CRB1: variants seen among roughly 807,000 people sequenced by gnomAD.
The protein encoded by CRB1 is protein crumbs homolog 1.
Under a neutral mutation model 120.0 loss-of-function variants are expected in CRB1, and 83 were observed. The observed-to-expected ratio is 0.69, with a 90% confidence interval of 0.58 to 0.83. The LOEUF (loss-of-function observed/expected upper bound fraction) is 0.83. Ranked by LOEUF, CRB1 falls within the 40% of genes least tolerant of loss-of-function variation. CRB1 has a pLI of 0.00. For missense variants in CRB1, 1,699 were observed against 1,687.6 expected (o/e 1.01, Z -0.12); for synonymous variants, 625 against 612.5 (o/e 1.02, Z -0.30).
intron 5 of CRB1, among the ~76,000 whole-genome samples, chr1:197,369,084 C>A (rs774789807): frequency 1.3e-5 from 2 of 152,074 alleles, no homozygotes; most frequent in Non-Finnish European, 2.9e-5. Flanking sequence ...GACCATCCTG[C>A]GAGCTCTCAT....
chr1:197,346,839 G>A (rs553780186), intron 3 of CRB1, among the ~76,000 whole-genome samples: 1 of 152,196 alleles, frequency 6.6e-6, no homozygotes, highest in Non-Finnish European at 1.5e-5. Flanking sequence ...TTTAATAAAG[G>A]CTTTTCCTGA....
the CRB1 span, among the ~76,000 whole-genome samples, chr1:197,229,194 G>C: frequency 6.6e-6 from 1 of 152,206 alleles, no homozygotes; most frequent in East Asian, 1.9e-4. Context: ...GTGCCACCCA[G>C]TCTGTGATAT....
intron 1 of CRB1, among the ~76,000 whole-genome samples, chr1:197,302,641 A>G (rs550394203): frequency 1.1e-4 from 17 of 152,320 alleles, no homozygotes; most frequent in African/African-American, 4.1e-4. Context: ...CTGATAGAGT[A>G]ATTGACAAAA....
chr1:197,247,861 A>C, the CRB1 span, among the ~76,000 whole-genome samples: 9 of 152,036 alleles, frequency 5.9e-5, no homozygotes, highest in African/African-American at 2.2e-4. Context: ...TGGAACAACA[A>C]CTATCATTTC....
At chr1:197,271,320 C>T (rs958654662) in intron 1 of CRB1, among the ~76,000 whole-genome samples, 3 of 152,132 alleles carry the variant, frequency 2.0e-5, no homozygotes, top group Non-Finnish European at 4.4e-5. Context: ...AAAATAATCA[C>T]CTCCAGCTCC....
chr1:197,253,463 G>T, the CRB1 span, among the ~76,000 whole-genome samples: 1 of 151,930 alleles, frequency 6.6e-6, no homozygotes, highest in Non-Finnish European at 1.5e-5. Context: ...GTTCATGGTT[G>T]TTTATACCAA....
chr1:197,330,878 A>T (rs1658811456), intron 2 of CRB1, among the ~76,000 whole-genome samples: 1 of 152,072 alleles, frequency 6.6e-6, no homozygotes, highest in South Asian at 2.1e-4. Flanking sequence ...AGTTTCTATT[A>T]GATGTCAGTT....
At chr1:197,383,995 G>C (rs1402573185) in intron 5 of CRB1, among the ~76,000 whole-genome samples, 1 of 152,186 alleles carries the variant, frequency 6.6e-6, no homozygotes, top group African/African-American at 2.4e-5. Context: ...GTTACAACCT[G>C]AGGGCCTTGG....
At chr1:197,322,187 A>G (rs1658236334) in intron 1 of CRB1, among the ~76,000 whole-genome samples, 1 of 152,140 alleles carries the variant, frequency 6.6e-6, no homozygotes, top group Non-Finnish European at 1.5e-5. Context: ...TTTCATTAAT[A>G]GTTTTTACAC....
At chr1:197,308,443 C>G (rs1657305740) in intron 1 of CRB1, among the ~76,000 whole-genome samples, 1 of 152,156 alleles carries the variant, frequency 6.6e-6, no homozygotes, top group South Asian at 2.1e-4. Context: ...CAAAACCTCT[C>G]TGTTCTAATT....
chr1:197,204,531 T>C, the CRB1 span, among the ~76,000 whole-genome samples: 16 of 152,212 alleles, frequency 1.1e-4, no homozygotes, highest in Admixed American at 2.0e-4. Flanking sequence ...TGATCATTAG[T>C]GATGTTGAGC....
chr1:197,341,878 G>T (rs1571868903), intron 2 of CRB1, among the ~76,000 whole-genome samples: 1 of 152,182 alleles, frequency 6.6e-6, no homozygotes, highest in South Asian at 2.1e-4. Flanking sequence ...GTTCCCATGA[G>T]TCCACTAGTG....
At chr1:197,205,882 CT>C in the CRB1 span, among the ~76,000 whole-genome samples, 1,819 of 134,226 alleles carry the variant, frequency 0.014, 12 homozygotes, top group African/African-American at 0.031. Context: ...TGGTCCTGGA[CT>C]TTTTTTTTTT....
the CRB1 span, among the ~76,000 whole-genome samples, chr1:197,240,793 G>A: frequency 3.3e-5 from 5 of 152,320 alleles, no homozygotes; most frequent in Middle Eastern, 0.01. Flanking sequence ...TCACCACATT[G>A]TCTTCCACAA....
At chr1:197,270,249 T>A (rs867261274) in intron 1 of CRB1, among the ~76,000 whole-genome samples, 2 of 152,184 alleles carry the variant, frequency 1.3e-5, no homozygotes, top group African/African-American at 2.4e-5. Context: ...TATATGTCAT[T>A]TACTTCTTGC....
Position 197,429,581 on chromosome 1 carries a change from G to A in CRB1, c.2809G>A (p.Ala937Thr), listed in dbSNP as rs114630940. Reference protein sequence around the residue: ...WCGFSPCPHGAQCQPVLQGFE... With the variant: ...WCGFSPCPHGTQCQPVLQGFE... ...TGGATTCAGCCCGTGTCCTCACGGAGCCCAGTGCCAGCCGGTGCTTCAAGG... is the reference window on the plus strand; with the variant it reads ...TGGATTCAGCCCGTGTCCTCACGGAACCCAGTGCCAGCCGGTGCTTCAAGG... Residue 937 changes from alanine (A) to threonine (T), a missense_variant, in exon 8 of 12, where the codon GCC (alanine) becomes ACC (threonine). Physicochemically the swap from Ala to Thr is moderately conservative, Grantham distance 58. Coordinates refer to ENST00000367400, the MANE Select transcript of CRB1 (RefSeq NM_201253.3). 155 of 1,613,912 alleles carry A rather than the reference G, an allele frequency of 9.6e-5. No individual in the cohort carries two copies. In the East Asian group the frequency reaches 3.1e-3, roughly 32 times the overall value.
chr1:197,429,526 T>C lies in CRB1; in HGVS notation c.2754T>C (p.Ser918=). 1 of 1,613,916 alleles carries C rather than the reference T, an allele frequency of 6.2e-7. No homozygotes were observed. The highest frequency in any genetic ancestry group is 1.1e-5 in the South Asian group (1 of 91,068). ...DFSCSCPALT[S]GKACEEVQWC... ...CCTGTTCCTGTCCTGCCCTCACAAGTGGGAAAGCCTGTGAGGAGGTTCAGT... is the reference window on the plus strand; with the variant it reads ...CCTGTTCCTGTCCTGCCCTCACAAGCGGGAAAGCCTGTGAGGAGGTTCAGT... The change falls in exon 8 of 12, where the codon AGT becomes AGC. Residue 918 remains serine (S), a synonymous_variant. Coordinates refer to ENST00000367400, the MANE Select transcript of CRB1 (RefSeq NM_201253.3).
intron 5 of CRB1, among the ~76,000 whole-genome samples, chr1:197,385,839 T>C (rs1662187220): frequency 6.6e-6 from 1 of 151,800 alleles, no homozygotes; most frequent in Admixed American, 6.6e-5. Flanking sequence ...GACCCAAAAA[T>C]GATAGAGAAC....
chr1:197,314,499 A>G (rs1657729044), intron 1 of CRB1, among the ~76,000 whole-genome samples: 1 of 152,110 alleles, frequency 6.6e-6, no homozygotes, highest in South Asian at 2.1e-4. Context: ...TTCAATATTT[A>G]TACTTTTTTC....
Sources: allele counts gnomAD v4.1 joint callset (sites outside exome capture counted in the v4.1 genomes callset), GRCh38; gene constraint gnomAD v4.1.1; transcripts MANE v1.5; gene names NCBI Gene and HGNC (gene_info 2026-07-23, HGNC 2026-07-21).